The following AQR variants were observed in gnomAD, a reference collection of about 807,000 sequenced individuals.
AQR encodes RNA helicase aquarius.
In AQR, 61 loss-of-function variants were observed where a neutral mutation model predicts 180.5. The ratio of observed to expected loss-of-function variants is 0.34; its 90% CI spans 0.28 to 0.42. The LOEUF (loss-of-function observed/expected upper bound fraction) is 0.42, where lower values mean the gene tolerates loss of function less well. Among genes scored for constraint, AQR ranks in the 10% least tolerant of loss-of-function variants. The pLI is 1.00. For missense variants in AQR, 1,281 were observed against 1,798.3 expected, an observed-to-expected ratio of 0.71 and a Z score of 5.20; for synonymous variants, 551 against 588.8, an observed-to-expected ratio of 0.94 and a Z score of 0.93.
chr15:34,897,003 A>T, intron 21 of AQR, 37 bp from the exon 22 acceptor site: 1 of 1,508,334 alleles, frequency 6.6e-7, no homozygotes, highest in South Asian at 1.1e-5. Flanking sequence ...GGTACAGATA[A>T]ATGATGCTTT....
intron 27 of AQR, among the ~76,000 whole-genome samples, chr15:34,879,320 T>C (rs993650392): frequency 1.3e-5 from 2 of 152,206 alleles, no homozygotes; most frequent in African/African-American, 4.8e-5. Flanking sequence ...GGAACCAATA[T>C]AGCCAACTAG....
chr15:34,865,807 A>G (rs1407014112), intron 32 of AQR, among the ~76,000 whole-genome samples: 1 of 152,190 alleles, frequency 6.6e-6, no homozygotes, highest in Admixed American at 6.5e-5. Flanking sequence ...GTAACAAAAG[A>G]CCACATATTA....
rs185134814 is a variant in AQR at position 34,946,357 on chromosome 15, C to T, written c.330+1907G>A. 3.1e-3 allele frequency among the ~76,000 whole-genome samples: 472 copies of T among 152,190 alleles called. 7 individuals carry two copies. The highest frequency in any genetic ancestry group is 0.027 in the Admixed American group (419 of 15,290). ...AACTTTTTTTATTCATGTAAAACTACAAATATAAACTCCCTCTTGAGGTCG... is the reference window on the plus strand; with the variant it reads ...AACTTTTTTTATTCATGTAAAACTATAAATATAAACTCCCTCTTGAGGTCG... On this transcript the variant is annotated intron_variant, in intron 5 of 34. Transcript: ENST00000156471.
intron 4 of AQR, 150 bp downstream of exon 4, chr15:34,952,735 T>C (rs1894252000): frequency 3.2e-6 from 2 of 618,726 alleles, no homozygotes; most frequent in Non-Finnish European, 5.8e-6. Flanking sequence ...ACAAAGGCTA[T>C]CATATACATA....
intron 3 of AQR, among the ~76,000 whole-genome samples, chr15:34,959,280 A>C (rs1410170809): frequency 2.0e-5 from 3 of 152,020 alleles, no homozygotes. Flanking sequence ...CTCCCACTTC[A>C]TCCTCTTGAG....
At chr15:34,919,015 G>C (rs1039375369) in intron 14 of AQR, among the ~76,000 whole-genome samples, 3 of 152,030 alleles carry the variant, frequency 2.0e-5, no homozygotes, top group African/African-American at 7.2e-5. Flanking sequence ...GAAGCAGGTG[G>C]ATCACCTGAG....
At chr15:34,913,047 G>A (rs1289830129) in intron 16 of AQR, among the ~76,000 whole-genome samples, 1 of 152,106 alleles carries the variant, frequency 6.6e-6, no homozygotes, top group Non-Finnish European at 1.5e-5. Flanking sequence ...ATGCAGTATA[G>A]TTTACATACC....
intron 14 of AQR, among the ~76,000 whole-genome samples, chr15:34,918,670 A>G (rs1893635198): frequency 6.6e-6 from 1 of 152,240 alleles, no homozygotes; most frequent in Non-Finnish European, 1.5e-5. Flanking sequence ...ACTAAAACAG[A>G]TAAAGTGCCA....
chr15:34,941,894 T>C, intron 7 of AQR, 118 bp downstream of exon 7: 2 of 630,124 alleles, frequency 3.2e-6, no homozygotes, highest in Non-Finnish European at 4.8e-6. Context: ...CAAAGTGGCT[T>C]TTCTAAGAAA....
chr15:34,890,140 T>C, intron 24 of AQR, 75 bp downstream of exon 24: 1 of 1,309,264 alleles, frequency 7.6e-7, no homozygotes, highest in Non-Finnish European at 1.1e-6. Flanking sequence ...CATTGCTTTC[T>C]TCTTCTTTAA....
chr15:34,936,580 G>A (rs1893948342), intron 9 of AQR, among the ~76,000 whole-genome samples: 1 of 152,092 alleles, frequency 6.6e-6, no homozygotes, highest in African/African-American at 2.4e-5. Flanking sequence ...GCCGGGCATG[G>A]TGGTGTGCAC....
intron 3 of AQR, among the ~76,000 whole-genome samples, chr15:34,960,281 A>G (rs1466866649): frequency 6.6e-6 from 1 of 152,242 alleles, no homozygotes; most frequent in African/African-American, 2.4e-5. Flanking sequence ...GAACAGATGT[A>G]TATGAACCAT....
intron 3 of AQR, among the ~76,000 whole-genome samples, chr15:34,958,063 C>A (rs1304606987): frequency 1.3e-5 from 2 of 152,088 alleles, no homozygotes; most frequent in East Asian, 3.9e-4. Context: ...AAAAAATTAG[C>A]CGGGCGTGGT....
Position 34,875,806 on chromosome 15 carries a change from CA to C in AQR, c.3237+128del, listed in dbSNP as rs1311865537. 4 of 626,720 alleles carry C rather than the reference CA, an allele frequency of 6.4e-6. No homozygotes were observed. The Admixed American group carries it at 8.1e-5, about 13-fold the overall frequency. 38.8% of individuals were successfully genotyped at this position (626,720 alleles called of 1,614,324 possible). A position where few individuals can be genotyped will look rare whatever the true frequency, so the allele number is the denominator to read the frequency against. ...AGTTTACAGGCTTAAAATAGAATAC[CA>C]AACATAATGAAGTTAAGGAAAATAC... On this transcript the variant is annotated intron_variant, in intron 28 of 34. Transcript: ENST00000156471.
At chr15:34,899,177 CA>C (rs910583644) in intron 20 of AQR, among the ~76,000 whole-genome samples, 2,741 of 146,428 alleles carry the variant, frequency 0.019, 73 homozygotes, top group African/African-American at 0.059. Context: ...ATCTCAAAAA[CA>C]AAAAAAAAAT....
At chr15:34,930,410 T>C (rs1450069278) in intron 11 of AQR, 39 bp from the exon 12 acceptor site, 2 of 1,198,368 alleles carry the variant, frequency 1.7e-6, no homozygotes, top group Admixed American at 1.7e-5. Context: ...CATATGAACA[T>C]AAGGGCAAGA....
chr15:34,959,911 C>G (rs1015940630), intron 3 of AQR, among the ~76,000 whole-genome samples: 5 of 152,214 alleles, frequency 3.3e-5, no homozygotes, highest in Admixed American at 3.3e-4. Context: ...AAGGCCAAGG[C>G]AGGTGGATCA....
intron 31 of AQR, chr15:34,869,062 T>C (rs897921590): frequency 2.0e-5 from 3 of 152,142 alleles, no homozygotes; most frequent in African/African-American, 7.2e-5. Flanking sequence ...TAAGAAACTG[T>C]CAAACTTTTC....
chr15:34,909,552 T>A (rs4924344), intron 17 of AQR, among the ~76,000 whole-genome samples: 92,584 of 152,050 alleles, frequency 0.61, 30,553 homozygotes, highest in South Asian at 0.75. Flanking sequence ...CCTTTCTGCC[T>A]TAGGCGCAAA....
Sources: allele counts gnomAD v4.1 joint callset (sites outside exome capture counted in the v4.1 genomes callset), GRCh38; gene constraint gnomAD v4.1.1; transcripts MANE v1.5; gene names NCBI Gene and HGNC (gene_info 2026-07-23, HGNC 2026-07-21).